Variants in GSE1 observed in about 807,000 individuals in gnomAD.
GSE1 encodes the protein genetic suppressor element 1.
A neutral mutation model predicts 112.6 loss-of-function variants in GSE1; 32 were observed. The ratio of observed to expected loss-of-function variants is 0.28; its 90% confidence interval spans 0.21 to 0.38. The LOEUF (loss-of-function observed/expected upper bound fraction) is 0.38. Ranked by LOEUF, GSE1 falls within the 10% of genes least tolerant of loss-of-function variation. The probability of loss-of-function intolerance (pLI) is 1.00; values close to 1 mark genes in which losing one functional copy is unlikely to be tolerated. For missense variants in GSE1, 2,348 were observed against 1,699.2 expected (o/e 1.38, Z -6.71); for synonymous variants, 1,115 against 735.6 (o/e 1.52, Z -8.35).
intron 1 of GSE1, among the ~76,000 whole-genome samples, chr16:85,305,291 T>C (rs1288279656): frequency 6.6e-6 from 1 of 152,048 alleles, no homozygotes; most frequent in Non-Finnish European, 1.5e-5. Flanking sequence ...ATGATGATGA[T>C]GATTATTATT....
chr16:85,578,036 G>A (rs2046299541), intron 1 of GSE1, among the ~76,000 whole-genome samples: 1 of 152,238 alleles, frequency 6.6e-6, no homozygotes, highest in South Asian at 2.1e-4. Context: ...GGAGGCTGCA[G>A]CCTTTGTTCT....
At chr16:85,511,616 G>GT (rs370720365) in intron 2 of GSE1, among the ~76,000 whole-genome samples, 30 of 152,288 alleles carry the variant, frequency 2.0e-4, no homozygotes, top group African/African-American at 7.0e-4. Context: ...TGGAAAAGGG[G>GT]TTTTGCAGAG....
chr16:85,649,131 G>C (rs1031950916), intron 3 of GSE1, among the ~76,000 whole-genome samples: 1 of 152,124 alleles, frequency 6.6e-6, no homozygotes, highest in Admixed American at 6.5e-5. Flanking sequence ...CCATGTCTGG[G>C]TCCTGATCTC....
chr16:85,601,768 A>T (rs112915614), intron 1 of GSE1, among the ~76,000 whole-genome samples: 49 of 152,250 alleles, frequency 3.2e-4, no homozygotes, highest in African/African-American at 1.1e-3. Flanking sequence ...TGAGCTAGGG[A>T]GCTGAGGCCC....
At chr16:85,502,514 A>C (rs1361417318) in intron 2 of GSE1, among the ~76,000 whole-genome samples, 1 of 152,236 alleles carries the variant, frequency 6.6e-6, no homozygotes, top group African/African-American at 2.4e-5. Context: ...TTCTGAGGGC[A>C]ACCGGGCTTC....
At chr16:85,387,803 T>C (rs2047720058) in intron 2 of GSE1, among the ~76,000 whole-genome samples, 1 of 152,248 alleles carries the variant, frequency 6.6e-6, no homozygotes, top group South Asian at 2.1e-4. Flanking sequence ...AAGTACTTAT[T>C]GGTTAGACAA....
At chr16:85,655,999 T>C in intron 6 of GSE1, 82 bp downstream of exon 6, 1 of 1,119,592 alleles carries the variant, frequency 8.9e-7, no homozygotes, top group Non-Finnish European at 1.3e-6. Context: ...GGCTGGAACC[T>C]GACTGGACTC....
intron 1 of GSE1, among the ~76,000 whole-genome samples, chr16:85,346,119 A>G (rs2046729623): frequency 7.8e-6 from 1 of 127,482 alleles, no homozygotes; most frequent in African/African-American, 3.0e-5. Context: ...TGATGGATGG[A>G]TGGATGAACA....
chr16:85,546,883 C>T (rs1407713351), intron 2 of GSE1, among the ~76,000 whole-genome samples: 1 of 152,236 alleles, frequency 6.6e-6, no homozygotes, highest in Non-Finnish European at 1.5e-5. Flanking sequence ...GGTAGATCCT[C>T]AGGAAGGCTG....
At chr16:85,256,600 T>C (rs1597207762) in intron 1 of GSE1, among the ~76,000 whole-genome samples, 1 of 152,246 alleles carries the variant, frequency 6.6e-6, no homozygotes, top group East Asian at 1.9e-4. Context: ...TGGCTTACGC[T>C]GTATTTCCAT....
intron 15 of GSE1, chr16:85,672,178 G>A: frequency 1.9e-6 from 1 of 533,198 alleles, no homozygotes; most frequent in Non-Finnish European, 3.5e-6. Context: ...TTTTTGTTTA[G>A]TAGATGGGGT....
intron 1 of GSE1, among the ~76,000 whole-genome samples, chr16:85,254,405 C>G (rs950041133): frequency 6.6e-6 from 1 of 152,200 alleles, no homozygotes; most frequent in East Asian, 1.9e-4. Context: ...GTCCCCTAGC[C>G]TCTCCCACAG....
intron 2 of GSE1, among the ~76,000 whole-genome samples, chr16:85,522,625 G>A (rs894370844): frequency 3.3e-5 from 5 of 152,320 alleles, no homozygotes; most frequent in Non-Finnish European, 4.4e-5. Flanking sequence ...GTCACCTGGC[G>A]GTGACATCTC....
intron 1 of GSE1, among the ~76,000 whole-genome samples, chr16:85,584,009 A>C (rs372565984): frequency 2.0e-5 from 3 of 152,190 alleles, no homozygotes; most frequent in Admixed American, 2.0e-4. Flanking sequence ...GTCTCCTTCA[A>C]TTGGCCCTAA....
At chr16:85,524,782 G>A (rs776988692) in intron 2 of GSE1, among the ~76,000 whole-genome samples, 2 of 152,168 alleles carry the variant, frequency 1.3e-5, no homozygotes, top group Non-Finnish European at 2.9e-5. Flanking sequence ...ATCCCGTATG[G>A]GTGGGAGGTA....
intron 2 of GSE1, among the ~76,000 whole-genome samples, chr16:85,453,019 G>A (rs562930522): frequency 3.3e-5 from 5 of 152,306 alleles, no homozygotes; most frequent in Admixed American, 1.3e-4. Flanking sequence ...TTCTGTCCCC[G>A]ACGCTGCCGG....
At chr16:85,608,301 G>A (rs1002742946), upstream of GSE1, among the ~76,000 whole-genome samples, 1 of 152,104 alleles carries the variant, frequency 6.6e-6, no homozygotes, top group African/African-American at 2.4e-5. Context: ...CGTGCCCCCC[G>A]GATTCAGTGC....
chr16:85,661,680 C>G lies in GSE1; in HGVS notation c.2175C>G (p.Ile725Met), dbSNP rs376683480. 87 of 1,609,892 alleles carry G rather than the reference C, an allele frequency of 5.4e-5. No homozygotes were observed. The highest frequency in any genetic ancestry group is 7.4e-5 in the Non-Finnish European group (87 of 1,178,688). ...PVPRAPDPAY[I>M]YDEFLQQRRR... ...CACGGGCCCCCGACCCTGCCTACAT[C>G]TATGATGAGTTCCTGCAGCAGCGCC... The change falls in exon 9 of 16, where the codon ATC becomes ATG. Residue 725 changes from isoleucine (I) to methionine (M), a missense_variant. Ile to Met is a conservative substitution (Grantham distance 10). Coordinates refer to ENST00000253458, the MANE Select transcript of GSE1 (RefSeq NM_014615.5).
intron 2 of GSE1, among the ~76,000 whole-genome samples, chr16:85,477,961 C>A (rs146834247): frequency 6.6e-6 from 1 of 152,102 alleles, no homozygotes; most frequent in African/African-American, 2.4e-5. Flanking sequence ...GTCATCACGA[C>A]CTCATTTCAG....
Sources: gnomAD v4.1 joint callset for allele counts (sites outside exome capture counted in the v4.1 genomes callset) on GRCh38, gnomAD v4.1.1 for gene constraint, MANE v1.5 for transcripts, NCBI Gene and HGNC (gene_info 2026-07-23, HGNC 2026-07-21) for gene names.